Variants in EHBP1 observed in about 807,000 individuals in gnomAD.
EHBP1 encodes the protein EH domain binding protein 1, also known as EH domain-binding protein 1.
A neutral mutation model predicts 144.0 loss-of-function variants in EHBP1; 55 were observed. That is an observed-to-expected ratio of 0.38 (90% CI 0.31 to 0.48). EHBP1 has a LOEUF of 0.48. Among genes scored for constraint, EHBP1 ranks in the 20% least tolerant of loss-of-function variants. EHBP1 has a pLI of 0.98. For missense variants in EHBP1, 1,200 were observed against 1,364.2 expected, an observed-to-expected ratio of 0.88 and a Z score of 1.90; for synonymous variants, 469 against 472.7, an observed-to-expected ratio of 0.99 and a Z score of 0.10.
At chr2:62,679,207 A>C (rs914148540) in intron 1 of EHBP1, among the ~76,000 whole-genome samples, 2 of 152,214 alleles carry the variant, frequency 1.3e-5, no homozygotes, top group Non-Finnish European at 2.9e-5. Flanking sequence ...ATAATGGAAA[A>C]TTGACTAAAC....
intron 3 of EHBP1, among the ~76,000 whole-genome samples, chr2:62,752,195 T>C (rs961056921): frequency 6.6e-6 from 1 of 152,220 alleles, no homozygotes; most frequent in Admixed American, 6.5e-5. Flanking sequence ...TTTGTTCTCA[T>C]TGGTTTCAAA....
At chr2:62,958,034 T>C (rs2057804959) in intron 14 of EHBP1, among the ~76,000 whole-genome samples, 1 of 152,174 alleles carries the variant, frequency 6.6e-6, no homozygotes, top group African/African-American at 2.4e-5. Flanking sequence ...GAGATACCAC[T>C]ATGAGAATGA....
At chr2:63,001,512 G>A (rs1355666417) in intron 19 of EHBP1, among the ~76,000 whole-genome samples, 3 of 152,072 alleles carry the variant, frequency 2.0e-5, no homozygotes, top group Non-Finnish European at 2.9e-5. Flanking sequence ...AGGGAATAGG[G>A]CCCACAAAAA....
intron 10 of EHBP1, chr2:62,881,677 G>GT (rs1390803501): frequency 6.6e-6 from 1 of 152,102 alleles, no homozygotes; most frequent in Non-Finnish European, 1.5e-5. Context: ...ATTTTGGCTT[G>GT]TCACTCTTTT....
At chr2:62,967,168 T>G (rs1035073353) in intron 14 of EHBP1, among the ~76,000 whole-genome samples, 7 of 152,234 alleles carry the variant, frequency 4.6e-5, no homozygotes, top group Admixed American at 4.6e-4. Context: ...ATAAGCACAG[T>G]GGCATCTTTG....
At chr2:62,956,567 G>T (rs2057706923) in intron 14 of EHBP1, among the ~76,000 whole-genome samples, 1 of 151,938 alleles carries the variant, frequency 6.6e-6, no homozygotes, top group Admixed American at 6.6e-5. Flanking sequence ...AACCACTGCA[G>T]GGCTAGGCAT....
intron 2 of EHBP1, among the ~76,000 whole-genome samples, chr2:62,727,191 C>T (rs360800): frequency 0.28 from 42,141 of 152,090 alleles, 6,609 homozygotes; most frequent in Middle Eastern, 0.49. Context: ...TTATGTCTTC[C>T]CCATCCTGAT....
intron 10 of EHBP1, among the ~76,000 whole-genome samples, chr2:62,884,292 T>C (rs548686801): frequency 7.2e-5 from 11 of 152,336 alleles, no homozygotes; most frequent in African/African-American, 2.4e-4. Context: ...TTTTTGTTTG[T>C]TATGCTAATA....
At position 62,713,749 on chromosome 2, in the gene EHBP1, T is replaced by C. The variant is rs374102002; in HGVS notation, c.104+6454T>C. On this transcript the variant is annotated intron_variant, in intron 2 of 22. Transcript: ENST00000431489. ...AAACAAAATAGCGCAGTCTTTTCTA[T>C]ATTGTAAGTTGTCAAAGGCATATGA... Among the ~76,000 whole-genome samples, 21 of 152,368 alleles carry C rather than the reference T, an allele frequency of 1.4e-4. No homozygotes were observed. The South Asian group carries it at 2.7e-3, about 20-fold the overall frequency.
chr2:62,852,980 G>A (rs138571336), intron 7 of EHBP1, among the ~76,000 whole-genome samples: 248 of 152,150 alleles, frequency 1.6e-3, no homozygotes, highest in South Asian at 7.3e-3. Context: ...TATTAATTGC[G>A]TTTACTTTCT....
intron 10 of EHBP1, among the ~76,000 whole-genome samples, chr2:62,918,626 C>T (rs1179498561): frequency 6.6e-6 from 1 of 152,072 alleles, no homozygotes; most frequent in Non-Finnish European, 1.5e-5. Context: ...AGTTTAGGGT[C>T]TTGAATTTAA....
At chr2:62,722,508 A>G (rs1362915602) in intron 2 of EHBP1, among the ~76,000 whole-genome samples, 3 of 152,084 alleles carry the variant, frequency 2.0e-5, no homozygotes, top group Non-Finnish European at 2.9e-5. Context: ...TAATGTTATT[A>G]CTTAATCTAT....
At chr2:62,804,138 C>T (rs1573438443) in intron 5 of EHBP1, among the ~76,000 whole-genome samples, 1 of 152,076 alleles carries the variant, frequency 6.6e-6, no homozygotes, top group Admixed American at 6.6e-5. Flanking sequence ...AGATGTGTCA[C>T]CACAGAAAAA....
At chr2:62,908,099 G>A (rs1197236411) in intron 10 of EHBP1, among the ~76,000 whole-genome samples, 1 of 152,042 alleles carries the variant, frequency 6.6e-6, no homozygotes. Flanking sequence ...TTTCCTTTGG[G>A]GTAAAGTTTT....
intron 3 of EHBP1, among the ~76,000 whole-genome samples, chr2:62,762,018 A>G (rs2040808369): frequency 6.6e-6 from 1 of 151,968 alleles, no homozygotes. Context: ...TGCCTTCTCA[A>G]ACTCATACTC....
intron 10 of EHBP1, among the ~76,000 whole-genome samples, chr2:62,921,017 CAG>C (rs2055036156): frequency 6.6e-6 from 1 of 152,094 alleles, no homozygotes; most frequent in Admixed American, 6.5e-5. Context: ...TTTGGATAAA[CAG>C]TGTGTAAAGA....
Position 62,979,331 on chromosome 2 carries a change from T to C in EHBP1, c.2604T>C (p.Ser868=). The C allele has an allele frequency of 1.9e-6, 3 of 1,613,370 alleles. No individual in the cohort carries two copies. Among genetic ancestry groups the C allele is most frequent in the Non-Finnish European group, 2.5e-6 (3 of 1,179,552 alleles). The change falls in exon 15 of 23, where the codon TCT becomes TCC. Residue 868 remains serine, a synonymous_variant. Transcript: ENST00000431489. ...AEKLKERSKA[S]GEQNSKLVDL... is the part of the protein sequence containing the mutation. ...AGTTGAAAGAAAGGTCAAAGGCATC[T>C]GGAGGTGAGTTAAAGAATCTTCTAT...
At chr2:62,809,304 A>AAC (rs1553424072) in intron 5 of EHBP1, among the ~76,000 whole-genome samples, 15 of 147,950 alleles carry the variant, frequency 1.0e-4, no homozygotes, top group African/African-American at 2.7e-4. Flanking sequence ...AAAAAAAAAA[A>AAC]AAAAAAAAAA....
At chr2:62,953,057 A>G (rs2057471527) in intron 13 of EHBP1, among the ~76,000 whole-genome samples, 1 of 151,946 alleles carries the variant, frequency 6.6e-6, no homozygotes, top group African/African-American at 2.4e-5. Context: ...TGTCTCTACT[A>G]AAAATATGAA....
Sources: gnomAD v4.1 joint callset for allele counts (sites outside exome capture counted in the v4.1 genomes callset) on GRCh38, gnomAD v4.1.1 for gene constraint, MANE v1.5 for transcripts, NCBI Gene and HGNC (gene_info 2026-07-23, HGNC 2026-07-21) for gene names.